Variants in CNTN4 observed in about 807,000 individuals in gnomAD.
The protein encoded by CNTN4 is contactin-4.
A neutral mutation model predicts 122.5 loss-of-function variants in CNTN4; 77 were observed. That is an observed-to-expected ratio of 0.63 (90% CI 0.52 to 0.76). The LOEUF is 0.76. Ranked by LOEUF, CNTN4 falls within the 30% of genes least tolerant of loss-of-function variation. The pLI is 0.00. For synonymous variants in CNTN4, 512 were observed against 447.0 expected, an observed-to-expected ratio of 1.15 and a Z score of -1.83; for missense variants, 1,256 against 1,259.1, an observed-to-expected ratio of 1.00 and a Z score of 0.04.
chr3:2,701,391 A>G (rs549668876), intron 4 of CNTN4, among the ~76,000 whole-genome samples: 3 of 152,168 alleles, frequency 2.0e-5, no homozygotes, highest in Non-Finnish European at 2.9e-5. Flanking sequence ...GGGAGAAGAC[A>G]TAAGTGAGGA....
At chr3:2,422,587 A>T (rs941171013) in intron 3 of CNTN4, among the ~76,000 whole-genome samples, 2 of 152,212 alleles carry the variant, frequency 1.3e-5, no homozygotes, top group African/African-American at 2.4e-5. Flanking sequence ...TTCACTGCCA[A>T]TTCCTTCTTC....
intron 4 of CNTN4, among the ~76,000 whole-genome samples, chr3:2,612,136 A>G (rs540794165): frequency 7.3e-6 from 1 of 137,256 alleles, no homozygotes; most frequent in South Asian, 2.4e-4. Flanking sequence ...ACACACACAC[A>G]CACAACAGAC....
chr3:2,326,063 G>A (rs1464581002), intron 2 of CNTN4, among the ~76,000 whole-genome samples: 1 of 152,140 alleles, frequency 6.6e-6, no homozygotes, highest in Non-Finnish European at 1.5e-5. Flanking sequence ...TTATTAGTCT[G>A]GGTATTTCTG....
rs138457712 is a variant in CNTN4 at position 2,264,983 on chromosome 3, C to T, written c.-144-74195C>T. Among the ~76,000 whole-genome samples, 821 of 152,018 alleles carry T rather than the reference C, an allele frequency of 5.4e-3. 12 individuals are homozygous for T. The highest frequency in any genetic ancestry group is 0.019 in the African/African-American group (781 of 41,472). ...TCACCCAGGCAGTGTACAATATGTC[C>T]AATGTGTAATCTTTCATCCCTCACG... On this transcript the variant is annotated intron_variant, in intron 2 of 24. Transcript: ENST00000418658.
In CNTN4 at chr3:2,599,613, C is replaced by A. The variant is rs1479537; in HGVS notation, c.55+28055C>A. On this transcript the variant is annotated intron_variant, in intron 4 of 24. Coordinates refer to ENST00000418658, the MANE Select transcript of CNTN4 (RefSeq NM_175607.3). ...CTCAGAGTGTGGCTTACATCAGTTT[C>A]TGTATTACGGCTATCTTTTGTAGAA... Among the ~76,000 whole-genome samples, 213 of 152,230 alleles carry A rather than the reference C, an allele frequency of 1.4e-3. 1 individual carries two copies. The highest frequency in any genetic ancestry group is 2.8e-3 in the Non-Finnish European group (188 of 68,012).
At chr3:3,043,569 C>A (rs760875426) in intron 22 of CNTN4, 23 bp from the exon 23 acceptor site, 3 of 1,525,586 alleles carry the variant, frequency 2.0e-6, no homozygotes, top group African/African-American at 2.7e-5. Flanking sequence ...TCTGTGACTT[C>A]GTATATCTTA....
At chr3:2,560,169 T>G (rs1212565017) in intron 3 of CNTN4, among the ~76,000 whole-genome samples, 5 of 151,612 alleles carry the variant, frequency 3.3e-5, no homozygotes, top group Non-Finnish European at 7.4e-5. Flanking sequence ...AGACAGGGTT[T>G]CACTCCCATC....
At position 2,883,060 on chromosome 3, in the gene CNTN4, C is replaced by T. The variant is rs1374275926; in HGVS notation, c.653-85C>T. 3 of 881,594 alleles carry T rather than the reference C, an allele frequency of 3.4e-6. No individual in the cohort carries two copies. In the Admixed American group the frequency reaches 6.0e-5, roughly 18 times the overall value. The allele number at this position is 881,594 out of a possible 1,614,324, so 54.6% of individuals were successfully genotyped here. A position where few individuals can be genotyped will look rare whatever the true frequency, so the allele number is the denominator to read the frequency against. Reference sequence around the variant, plus strand: ...TTGTGCACATAATGATGTGTATAAGCATTCTGCATTAACAGAAAAATGAGT... The same window carrying T: ...TTGTGCACATAATGATGTGTATAAGTATTCTGCATTAACAGAAAAATGAGT... On this transcript the variant is annotated intron_variant, in intron 8 of 24. Transcript: ENST00000418658.
intron 3 of CNTN4, among the ~76,000 whole-genome samples, chr3:2,527,230 G>T (rs2077429333): frequency 6.6e-6 from 1 of 152,174 alleles, no homozygotes; most frequent in African/African-American, 2.4e-5. Context: ...CTGTTTTCCA[G>T]CTGAGGGCTG....
At position 3,043,017 on chromosome 3, in the gene CNTN4, G is replaced by C. The variant is rs765050060; in HGVS notation, c.2552G>C (p.Arg851Thr). The change falls in exon 22 of 25, where the codon AGA becomes ACA. Residue 851 changes from arginine to threonine, a missense_variant. Transcript: ENST00000418658. ...WRHEDKEENA[R>T]KIRTVGNQTS... ...CATGAAGACAAAGAAGAAAATGCTA[G>C]AAAAATACGAACAGTTGGAAATCAG... 3 of 1,613,964 alleles carry C rather than the reference G, an allele frequency of 1.9e-6. No individual in the cohort carries two copies. The highest frequency in any genetic ancestry group is 2.5e-6 in the Non-Finnish European group (3 of 1,179,992).
chr3:2,203,966 A>G (rs182659461), intron 2 of CNTN4, among the ~76,000 whole-genome samples: 1 of 152,276 alleles, frequency 6.6e-6, no homozygotes, highest in East Asian at 1.9e-4. Flanking sequence ...AGCTTCATAT[A>G]TGTGTATATA....
intron 4 of CNTN4, among the ~76,000 whole-genome samples, chr3:2,630,520 G>C (rs951283071): frequency 1.3e-5 from 2 of 152,140 alleles, no homozygotes; most frequent in African/African-American, 2.4e-5. Context: ...AAAGTTTGCT[G>C]ACTATTGCTT....
In CNTN4 at chr3:2,270,405, T is replaced by C. The variant is rs114051159; in HGVS notation, c.-144-68773T>C. On this transcript the variant is annotated intron_variant, in intron 2 of 24. Transcript: ENST00000418658. ...TGATAGCCAGTTTAAAGTGTGTACA[T>C]TGGGGAAGGGGGGGAATGAGGTTGT... 5.5e-3 allele frequency among the ~76,000 whole-genome samples: 833 copies of C among 151,968 alleles called. 5 individuals are homozygous for C. The highest frequency in any genetic ancestry group is 0.019 in the African/African-American group (804 of 41,424).
chr3:2,924,629 A>G (rs1267249529), intron 12 of CNTN4, among the ~76,000 whole-genome samples: 1 of 152,216 alleles, frequency 6.6e-6, no homozygotes, highest in Non-Finnish European at 1.5e-5. Context: ...ATTCTCTGAT[A>G]GTATTTCCAT....
At chr3:2,691,839 A>G (rs2085756557) in intron 4 of CNTN4, among the ~76,000 whole-genome samples, 1 of 152,236 alleles carries the variant, frequency 6.6e-6, no homozygotes, top group Non-Finnish European at 1.5e-5. Flanking sequence ...TGCTGTTTAT[A>G]ATTGAACTGA....
chr3:2,267,193 T>G (rs1044442761), intron 2 of CNTN4, among the ~76,000 whole-genome samples: 6 of 152,118 alleles, frequency 3.9e-5, no homozygotes, highest in Non-Finnish European at 5.9e-5. Flanking sequence ...TGTCAGCCAC[T>G]GAAAGAACTA....
At chr3:2,926,927 T>C (rs573302427) in intron 13 of CNTN4, among the ~76,000 whole-genome samples, 1 of 152,174 alleles carries the variant, frequency 6.6e-6, no homozygotes, top group Non-Finnish European at 1.5e-5. Context: ...AACCTGAAAA[T>C]CAATAGCATA....
Position 2,805,959 on chromosome 3 carries a change from T to C in CNTN4, c.359-13527T>C, listed in dbSNP as rs562950396. ...CTCTGTCGCCCAGGCTGGAGTGCAG[T>C]GGTGAGATGTCGGCTCACTGCAAGC... On this transcript the variant is annotated intron_variant, in intron 6 of 24. Coordinates refer to ENST00000418658, the MANE Select transcript of CNTN4 (RefSeq NM_175607.3). Among the ~76,000 whole-genome samples, 732 of 152,280 alleles carry C rather than the reference T, an allele frequency of 4.8e-3. 6 individuals carry two copies. Among genetic ancestry groups the C allele is most frequent in the African/African-American group, 0.017 (699 of 41,572 alleles).
intron 3 of CNTN4, among the ~76,000 whole-genome samples, chr3:2,521,622 A>G (rs563670624): frequency 3.3e-5 from 5 of 152,056 alleles, no homozygotes; most frequent in Non-Finnish European, 7.4e-5. Context: ...ACTAAGTGCA[A>G]AAGAGCTCTT....
Sources: gnomAD v4.1 joint callset for allele counts (sites outside exome capture counted in the v4.1 genomes callset) on GRCh38, gnomAD v4.1.1 for gene constraint, MANE v1.5 for transcripts, NCBI Gene and HGNC (gene_info 2026-07-23, HGNC 2026-07-21) for gene names.